Variants in RPS6KC1 observed in about 807,000 individuals in gnomAD.
RPS6KC1 encodes ribosomal protein S6 kinase C1.
A neutral mutation model predicts 103.8 loss-of-function variants in RPS6KC1; 54 were observed. That is an observed-to-expected ratio of 0.52 (90% CI 0.42 to 0.65). The LOEUF is 0.65. RPS6KC1 is among the 30% of genes least tolerant of loss of function. The probability of loss-of-function intolerance (pLI) is 0.00; values close to 1 mark genes in which losing one functional copy is unlikely to be tolerated. For synonymous variants in RPS6KC1, 439 were observed against 438.7 expected (o/e 1.00, Z -0.01); for missense variants, 1,151 against 1,253.8 (o/e 0.92, Z 1.24).
At chr1:213,783,484 C>T in the RPS6KC1 span, among the ~76,000 whole-genome samples, 3 of 152,240 alleles carry the variant, frequency 2.0e-5, no homozygotes, top group East Asian at 3.9e-4. Context: ...GCCTCCCCCC[C>T]TCAGATCTCC....
the RPS6KC1 span, among the ~76,000 whole-genome samples, chr1:213,667,964 T>C: frequency 6.6e-6 from 1 of 152,194 alleles, no homozygotes; most frequent in Non-Finnish European, 1.5e-5. Context: ...AGGGTCTACT[T>C]CTAATTCTAG....
At chr1:213,605,271 G>A in the RPS6KC1 span, among the ~76,000 whole-genome samples, 1 of 152,158 alleles carries the variant, frequency 6.6e-6, no homozygotes, top group Non-Finnish European at 1.5e-5. Context: ...GACGGAAATA[G>A]AGTTCTAAAA....
chr1:213,343,440 T>TATATATATATATATATATATATACAC, the RPS6KC1 span, among the ~76,000 whole-genome samples: 1 of 80,382 alleles, frequency 1.2e-5, no homozygotes. Context: ...TATATATATA[T>TATATATATATATATATATATATACAC]ACATACCATG....
At chr1:213,150,319 T>C (rs2088537560) in intron 6 of RPS6KC1, among the ~76,000 whole-genome samples, 1 of 150,742 alleles carries the variant, frequency 6.6e-6, no homozygotes, top group South Asian at 2.1e-4. Context: ...TATTTATTTA[T>C]TTATTTATTT....
the RPS6KC1 span, among the ~76,000 whole-genome samples, chr1:213,479,122 A>G: frequency 6.6e-6 from 1 of 152,114 alleles, no homozygotes; most frequent in Non-Finnish European, 1.5e-5. Flanking sequence ...ACCTGAATAT[A>G]TCACACTTCA....
At chr1:213,058,259 A>G (rs563621374) in intron 1 of RPS6KC1, among the ~76,000 whole-genome samples, 2 of 152,012 alleles carry the variant, frequency 1.3e-5, no homozygotes, top group African/African-American at 2.4e-5. Context: ...TGCAAAGCAC[A>G]ATTTGTAATT....
At chr1:213,348,943 G>A in the RPS6KC1 span, among the ~76,000 whole-genome samples, 1 of 152,184 alleles carries the variant, frequency 6.6e-6, no homozygotes, top group Non-Finnish European at 1.5e-5. Context: ...ATGGGTGATT[G>A]CATTTGTTGA....
chr1:213,807,796 C>G, the RPS6KC1 span, among the ~76,000 whole-genome samples: 2 of 152,228 alleles, frequency 1.3e-5, no homozygotes, highest in Non-Finnish European at 2.9e-5. Context: ...ATTCTCCATC[C>G]AGCTTTGTTC....
chr1:213,120,956 CTGTT>C (rs1397916924), intron 5 of RPS6KC1, among the ~76,000 whole-genome samples: 2 of 152,198 alleles, frequency 1.3e-5, no homozygotes, highest in East Asian at 1.9e-4. Context: ...ATCTGGGTGT[CTGTT>C]TATTTGTTTT....
the RPS6KC1 span, among the ~76,000 whole-genome samples, chr1:213,685,947 TTG>T: frequency 7.2e-5 from 11 of 152,246 alleles, no homozygotes; most frequent in East Asian, 1.9e-3. Context: ...TGATTTTTTT[TTG>T]TGTGTGTGCA....
chr1:213,519,812 TC>T, the RPS6KC1 span, among the ~76,000 whole-genome samples: 1 of 152,212 alleles, frequency 6.6e-6, no homozygotes. Context: ...GATTGTCAGC[TC>T]TGGCTCAGTA....
At chr1:213,644,017 A>T in the RPS6KC1 span, among the ~76,000 whole-genome samples, 1 of 152,034 alleles carries the variant, frequency 6.6e-6, no homozygotes, top group African/African-American at 2.4e-5. Flanking sequence ...TTTGTTAGTC[A>T]TTTATTTAGA....
the RPS6KC1 span, among the ~76,000 whole-genome samples, chr1:213,797,118 A>G: frequency 1.1e-3 from 170 of 152,348 alleles, no homozygotes; most frequent in African/African-American, 4.0e-3. Context: ...AGGGAAAATA[A>G]AAGACAAGAG....
At chr1:213,755,920 G>A in the RPS6KC1 span, among the ~76,000 whole-genome samples, 38 of 152,300 alleles carry the variant, frequency 2.5e-4, no homozygotes, top group Admixed American at 4.6e-4. Flanking sequence ...GAGTAACAGA[G>A]GCACCTTATT....
chr1:213,681,322 C>A, the RPS6KC1 span, among the ~76,000 whole-genome samples: 1 of 152,214 alleles, frequency 6.6e-6, no homozygotes, highest in South Asian at 2.1e-4. Flanking sequence ...AGAAAACAGC[C>A]TTTCCTCTAA....
chr1:213,564,576 G>A, the RPS6KC1 span, among the ~76,000 whole-genome samples: 1 of 152,162 alleles, frequency 6.6e-6, no homozygotes, highest in Non-Finnish European at 1.5e-5. Context: ...GTGGCTTTCA[G>A]CTCTTGTAGC....
chr1:213,251,079 C>G (rs1396402823), intron 12 of RPS6KC1, among the ~76,000 whole-genome samples: 2 of 128,860 alleles, frequency 1.6e-5, no homozygotes, highest in Non-Finnish European at 3.3e-5. Flanking sequence ...GTCCTGTCTT[C>G]TTTATTCGCC....
At chr1:213,522,735 C>T in the RPS6KC1 span, among the ~76,000 whole-genome samples, 31 of 152,314 alleles carry the variant, frequency 2.0e-4, no homozygotes, top group African/African-American at 7.2e-4. Context: ...TCTTCTAGAG[C>T]TTCCTCACCT....
Position 213,241,724 on chromosome 1 carries a change from G to A in RPS6KC1, c.2248G>A (p.Glu750Lys). The A allele has an allele frequency of 1.2e-6, 2 of 1,613,974 alleles. No homozygotes were observed. The highest frequency in any genetic ancestry group is 1.7e-6 in the Non-Finnish European group (2 of 1,179,946). ...QCQAHEEKGI[E>K]ELSDPSGPKS... ...CCAAGCACATGAGGAGAAAGGCATA[G>A]AGGAACTGAGTGATCCCTCTGGGCC... Residue 750 changes from glutamate (E) to lysine (K), a missense_variant, in exon 11 of 15, where the codon GAG (glutamate) becomes AAG (lysine). Glu to Lys is a moderately conservative substitution (Grantham distance 56). Transcript: ENST00000366960.
Sources: gnomAD v4.1 joint callset for allele counts (sites outside exome capture counted in the v4.1 genomes callset) on GRCh38, gnomAD v4.1.1 for gene constraint, MANE v1.5 for transcripts, NCBI Gene and HGNC (gene_info 2026-07-23, HGNC 2026-07-21) for gene names.